LRMDA: variants seen among roughly 807,000 people sequenced by gnomAD.
The protein encoded by LRMDA is leucine rich melanocyte differentiation associated.
LRMDA carries 18 observed loss-of-function variants against 29.8 expected under a neutral mutation model. That is an observed-to-expected ratio of 0.60 (90% CI 0.42 to 0.90). The LOEUF (loss-of-function observed/expected upper bound fraction) is 0.90, where lower values mean the gene tolerates loss of function less well. Ranked by LOEUF, LRMDA falls within the 40% of genes least tolerant of loss-of-function variation. The probability of loss-of-function intolerance (pLI) is 0.00; values close to 1 mark genes in which losing one functional copy is unlikely to be tolerated. For synonymous variants in LRMDA, 125 were observed against 109.4 expected, an observed-to-expected ratio of 1.14 and a Z score of -0.89; for missense variants, 273 against 273.9, an observed-to-expected ratio of 1.00 and a Z score of 0.02.
chr10:75,917,961 GCACACACACA>G (rs10552979), intron 2 of LRMDA, among the ~76,000 whole-genome samples: 2 of 149,930 alleles, frequency 1.3e-5, no homozygotes, highest in African/African-American at 4.9e-5. Context: ...GCACATGTGC[GCACACACACA>G]CACACACACA....
intron 6 of LRMDA, among the ~76,000 whole-genome samples, chr10:76,480,195 T>C (rs1842721327): frequency 6.6e-6 from 1 of 152,088 alleles, no homozygotes; most frequent in East Asian, 1.9e-4. Flanking sequence ...TGAGTTTCTT[T>C]CATTCCTTGA....
intron 2 of LRMDA, among the ~76,000 whole-genome samples, chr10:75,883,999 G>A (rs557094694): frequency 2.8e-4 from 42 of 151,670 alleles, no homozygotes; most frequent in African/African-American, 9.4e-4. Context: ...CATAAGGAGG[G>A]GTTTTGACCT....
chr10:76,047,725 T>C (rs894400376), intron 4 of LRMDA, among the ~76,000 whole-genome samples: 1 of 152,214 alleles, frequency 6.6e-6, no homozygotes, highest in African/African-American at 2.4e-5. Context: ...TGCTGACCCC[T>C]GCTCTGTGTT....
intron 2 of LRMDA, among the ~76,000 whole-genome samples, chr10:75,463,782 C>G (rs1844618139): frequency 6.6e-6 from 1 of 152,172 alleles, no homozygotes. Context: ...AATCTCCTGC[C>G]TTAGCCTCCC....
At chr10:76,176,933 A>G (rs1244018693) in intron 5 of LRMDA, among the ~76,000 whole-genome samples, 5 of 152,186 alleles carry the variant, frequency 3.3e-5, no homozygotes, top group Non-Finnish European at 7.3e-5. Context: ...GCACCATCCA[A>G]TTAGTGGCAC....
intron 2 of LRMDA, among the ~76,000 whole-genome samples, chr10:75,907,972 A>T (rs1845784202): frequency 1.3e-5 from 2 of 152,184 alleles, no homozygotes; most frequent in South Asian, 4.1e-4. Flanking sequence ...TGCCTGATGA[A>T]GACGCTCCCT....
At chr10:76,090,997 A>G (rs1849222011) in intron 5 of LRMDA, among the ~76,000 whole-genome samples, 1 of 152,220 alleles carries the variant, frequency 6.6e-6, no homozygotes, top group African/African-American at 2.4e-5. Flanking sequence ...TGTTATGTGT[A>G]TTTTACCACA....
In LRMDA at chr10:76,428,965, G is replaced by A. The variant is rs77559459; in HGVS notation, c.601+104480G>A. 8.1e-3 allele frequency among the ~76,000 whole-genome samples: 1,226 copies of A among 151,826 alleles called. 13 individuals carry two copies. The highest frequency in any genetic ancestry group is 0.028 in the African/African-American group (1,166 of 41,394). The stretch of plus-strand genomic sequence containing the variant: ...TCTCCTTTGAGTCATTGTCATTTCA[G>A]TTGCTGAGAAGTGGACTGAAACCTT... On this transcript the variant is annotated intron_variant, in intron 6 of 6. Coordinates refer to ENST00000611255, the MANE Select transcript of LRMDA (RefSeq NM_001305581.2).
intron 6 of LRMDA, among the ~76,000 whole-genome samples, chr10:76,383,922 T>A (rs572661865): frequency 1.0e-3 from 157 of 152,308 alleles, no homozygotes; most frequent in African/African-American, 3.6e-3. Flanking sequence ...CATTTGTCAG[T>A]GTGTCACTTT....
intron 5 of LRMDA, among the ~76,000 whole-genome samples, chr10:76,114,035 A>G (rs1349703283): frequency 6.6e-6 from 1 of 152,182 alleles, no homozygotes; most frequent in Non-Finnish European, 1.5e-5. Flanking sequence ...TGTCAGGCCT[A>G]GTAAGAAAAA....
intron 5 of LRMDA, among the ~76,000 whole-genome samples, chr10:76,218,939 CAG>C (rs1003456948): frequency 6.6e-6 from 1 of 152,184 alleles, no homozygotes; most frequent in African/African-American, 2.4e-5. Context: ...GCCGAGGAAA[CAG>C]AATCTATGCA....
At chr10:75,725,673 C>A (rs1289461771) in intron 2 of LRMDA, among the ~76,000 whole-genome samples, 2 of 152,094 alleles carry the variant, frequency 1.3e-5, no homozygotes, top group African/African-American at 2.4e-5. Flanking sequence ...TTGGATTCAG[C>A]CCTCCCTATT....
intron 2 of LRMDA, among the ~76,000 whole-genome samples, chr10:75,686,281 C>T (rs1160625446): frequency 1.3e-5 from 2 of 152,076 alleles, no homozygotes; most frequent in African/African-American, 2.4e-5. Context: ...GTGGTGAGGC[C>T]GGGAATCTAC....
chr10:75,572,918 T>G (rs1482782711), intron 2 of LRMDA, among the ~76,000 whole-genome samples: 1 of 152,164 alleles, frequency 6.6e-6, no homozygotes, highest in Non-Finnish European at 1.5e-5. Flanking sequence ...AAAGGCCATG[T>G]GAGGACACAG....
chr10:76,253,630 A>G (rs1344754412), intron 5 of LRMDA, among the ~76,000 whole-genome samples: 1 of 152,166 alleles, frequency 6.6e-6, no homozygotes, highest in Non-Finnish European at 1.5e-5. Flanking sequence ...TATATCATAT[A>G]TTTAACATAA....
intron 5 of LRMDA, among the ~76,000 whole-genome samples, chr10:76,300,262 T>A (rs545863439): frequency 9.2e-5 from 14 of 152,228 alleles, no homozygotes; most frequent in Middle Eastern, 3.2e-3. Context: ...CTTGTGGAGG[T>A]AGAACTTTGT....
At chr10:75,525,597 T>C (rs866319244) in intron 2 of LRMDA, among the ~76,000 whole-genome samples, 4 of 149,528 alleles carry the variant, frequency 2.7e-5, no homozygotes, top group Non-Finnish European at 4.5e-5. Context: ...TCTTTCTTTT[T>C]TTTTTTTTTT....
intron 2 of LRMDA, among the ~76,000 whole-genome samples, chr10:75,618,696 A>T (rs948252071): frequency 1.3e-5 from 2 of 150,388 alleles, no homozygotes; most frequent in African/African-American, 2.4e-5. Flanking sequence ...TTTTGTATAT[A>T]TATTATATAC....
At chr10:75,604,504 T>A (rs1480906247) in intron 2 of LRMDA, among the ~76,000 whole-genome samples, 8 of 152,240 alleles carry the variant, frequency 5.3e-5, no homozygotes, top group Non-Finnish European at 1.0e-4. Context: ...TCCCGGCAAC[T>A]GTTCTGAAGT....
Sources: gnomAD v4.1 joint callset for allele counts (sites outside exome capture counted in the v4.1 genomes callset) on GRCh38, gnomAD v4.1.1 for gene constraint, MANE v1.5 for transcripts, NCBI Gene and HGNC (gene_info 2026-07-23, HGNC 2026-07-21) for gene names.